RHPN2: variants seen among roughly 807,000 people sequenced by gnomAD.
RHPN2 encodes rhophilin-2.
In RHPN2, 40 loss-of-function variants were observed where a neutral mutation model predicts 79.0. The ratio of observed to expected loss-of-function variants is 0.51; its 90% CI spans 0.39 to 0.66. RHPN2 has a LOEUF of 0.66. RHPN2 is among the 30% of genes least tolerant of loss of function. RHPN2 has a pLI of 0.00. For synonymous variants in RHPN2, 285 were observed against 363.5 expected (o/e 0.78, Z 2.46); for missense variants, 686 against 883.5 (o/e 0.78, Z 2.83).
At chr19:33,036,855 G>T (rs1038564325) in intron 2 of RHPN2, among the ~76,000 whole-genome samples, 1 of 150,054 alleles carries the variant, frequency 6.7e-6, no homozygotes, top group African/African-American at 2.5e-5. Flanking sequence ...AGCACCTGTA[G>T]CCCGCCATGC....
intron 1 of RHPN2, among the ~76,000 whole-genome samples, chr19:33,048,679 T>C (rs542830100): frequency 8.6e-6 from 1 of 116,562 alleles, no homozygotes; most frequent in Admixed American, 1.2e-4. Flanking sequence ...TGAGCCAAGA[T>C]AACACCACTG....
chr19:33,026,521 GC>G lies in RHPN2; in HGVS notation c.296del (p.Gly99AlafsTer14). 1 of 1,607,452 alleles carries G rather than the reference GC, an allele frequency of 6.2e-7. No homozygotes were observed. ...CCACTTACTCTGTGTTCTGATAGAC[GC>G]CCACCGAGATGTTCAGCCCCTCCAG... The part of the protein sequence containing the change: ...EELEGLNISV[G>X]VYQNTEEAFT... On this transcript the variant is annotated frameshift_variant, in exon 3 of 15. Coordinates refer to ENST00000254260, the MANE Select transcript of RHPN2 (RefSeq NM_033103.5). LOFTEE classifies it high-confidence loss of function.
intron 1 of RHPN2, among the ~76,000 whole-genome samples, chr19:33,056,173 C>T (rs1444818340): frequency 2.8e-5 from 4 of 141,508 alleles, no homozygotes; most frequent in Non-Finnish European, 6.0e-5. Flanking sequence ...AGTGCAATGG[C>T]GTGATCTCAG....
rs549177470 is a variant in RHPN2 at position 33,048,953 on chromosome 19, C to T, written c.70-4589G>A. On this transcript the variant is annotated intron_variant, in intron 1 of 14. Coordinates refer to ENST00000254260, the MANE Select transcript of RHPN2 (RefSeq NM_033103.5). ...TCAGATAAGCAGCCATTCCAAACTA[C>T]GGATAAGAATGTTTTTTTTTCTGTT... Among the ~76,000 whole-genome samples, 12 of 152,074 alleles carry T rather than the reference C, an allele frequency of 7.9e-5. No individual in the cohort carries two copies. The South Asian group carries it at 2.3e-3, about 29-fold the overall frequency.
In RHPN2 at chr19:32,996,076, T is replaced by A. The variant is rs777127717; in HGVS notation, c.1370A>T (p.His457Leu). Reference protein sequence around the residue: ...QERSRLTYAQHQEEDDLLNLI... With the variant: ...QERSRLTYAQLQEEDDLLNLI... ...GTTCAGCAGGTCATCCTCCTCCTGGTGCTGGGCGTACGTGAGCCGGGAGCG... is the reference window on the plus strand; with the variant it reads ...GTTCAGCAGGTCATCCTCCTCCTGGAGCTGGGCGTACGTGAGCCGGGAGCG... Residue 457 changes from histidine (H) to leucine (L), a missense_variant, in exon 11 of 15, where the codon CAC becomes CTC. Physicochemically the swap from His to Leu is moderately conservative, Grantham distance 99. Transcript: ENST00000254260. 5.0e-6 allele frequency: 8 copies of A among 1,613,872 alleles called. No homozygotes were observed. Among genetic ancestry groups the A allele is most frequent in the Non-Finnish European group, 6.8e-6 (8 of 1,179,880 alleles).
chr19:33,024,567 G>A (rs958478716), intron 3 of RHPN2, among the ~76,000 whole-genome samples: 12 of 152,032 alleles, frequency 7.9e-5, no homozygotes, highest in African/African-American at 1.4e-4. Context: ...AAACCACCCC[G>A]GTGCCCTGCA....
chr19:33,000,969 C>T (rs113806131), intron 9 of RHPN2, among the ~76,000 whole-genome samples: 2 of 150,636 alleles, frequency 1.3e-5, no homozygotes, highest in Admixed American at 6.7e-5. Flanking sequence ...CTAGGAGTGG[C>T]GGCTCACACT....
At chr19:33,003,630 C>G (rs1971768639) in intron 7 of RHPN2, among the ~76,000 whole-genome samples, 1 of 151,970 alleles carries the variant, frequency 6.6e-6, no homozygotes, top group African/African-American at 2.4e-5. Flanking sequence ...ATCCATACAA[C>G]AGAATATTTT....
intron 2 of RHPN2, among the ~76,000 whole-genome samples, chr19:33,042,686 C>T (rs906490539): frequency 6.6e-6 from 1 of 152,098 alleles, no homozygotes; most frequent in Non-Finnish European, 1.5e-5. Context: ...AATCCCAGCA[C>T]TCTGGGAGAC....
intron 2 of RHPN2, among the ~76,000 whole-genome samples, chr19:33,028,686 T>C (rs905030580): frequency 6.6e-6 from 1 of 152,146 alleles, no homozygotes; most frequent in Non-Finnish European, 1.5e-5. Flanking sequence ...AGTTGGTACA[T>C]TCATTCAATG....
intron 1 of RHPN2, among the ~76,000 whole-genome samples, chr19:33,057,074 G>A (rs1972239313): frequency 6.7e-6 from 1 of 150,216 alleles, no homozygotes; most frequent in Non-Finnish European, 1.5e-5. Context: ...GAGCCGAGAT[G>A]GTGCCACTGC....
intron 12 of RHPN2, among the ~76,000 whole-genome samples, chr19:32,993,538 C>T (rs1971677612): frequency 6.6e-6 from 1 of 151,986 alleles, no homozygotes; most frequent in Non-Finnish European, 1.5e-5. Flanking sequence ...TGTTTGTACC[C>T]TCCCAAAGTT....
intron 1 of RHPN2, 59 bp downstream of exon 1, chr19:33,064,725 C>G: frequency 6.7e-7 from 1 of 1,501,014 alleles, no homozygotes; most frequent in East Asian, 2.6e-5. Context: ...CCTGCAGGGC[C>G]CGGGGGAAAG....
At chr19:33,042,600 A>T (rs1246364676) in intron 2 of RHPN2, among the ~76,000 whole-genome samples, 2 of 152,122 alleles carry the variant, frequency 1.3e-5, no homozygotes, top group African/African-American at 4.8e-5. Flanking sequence ...CAAACTTCCC[A>T]CCCAGGACCT....
At chr19:33,036,184 T>TA (rs1372846955) in intron 2 of RHPN2, among the ~76,000 whole-genome samples, 5 of 150,692 alleles carry the variant, frequency 3.3e-5, no homozygotes, top group African/African-American at 9.8e-5. Flanking sequence ...GAAAGAAAAT[T>TA]AATTTTTTTT....
intron 4 of RHPN2, 62 bp downstream of exon 4, chr19:33,021,509 A>T: frequency 7.4e-7 from 1 of 1,354,802 alleles, no homozygotes; most frequent in Non-Finnish European, 1.1e-6. Flanking sequence ...GGCATGCGCC[A>T]CTGCAAATGG....
At chr19:33,033,013 T>C (rs780439709) in intron 2 of RHPN2, among the ~76,000 whole-genome samples, 1 of 152,168 alleles carries the variant, frequency 6.6e-6, no homozygotes, top group African/African-American at 2.4e-5. Context: ...TCTTACATGT[T>C]GTATGAATAT....
chr19:33,012,626 C>G (rs751973821), intron 5 of RHPN2, 21 bp downstream of exon 5: 2 of 1,531,046 alleles, frequency 1.3e-6, no homozygotes, highest in African/African-American at 2.7e-5. Context: ...CCTCCCCTCT[C>G]TGCTGCACAC....
At chr19:32,998,024 G>GT in intron 10 of RHPN2, among the ~76,000 whole-genome samples, 1 of 152,282 alleles carries the variant, frequency 6.6e-6, no homozygotes, top group East Asian at 1.9e-4. Context: ...CCTGTTCTGC[G>GT]TGAGACGGGA....
Sources: gnomAD v4.1 joint callset for allele counts (sites outside exome capture counted in the v4.1 genomes callset) on GRCh38, gnomAD v4.1.1 for gene constraint, MANE v1.5 for transcripts, NCBI Gene and HGNC (gene_info 2026-07-23, HGNC 2026-07-21) for gene names.